SPOCK1: variants seen among roughly 807,000 people sequenced by gnomAD.
SPOCK1 encodes testican-1.
SPOCK1 carries 23 observed loss-of-function variants against 55.3 expected under a neutral mutation model. That is an observed-to-expected ratio of 0.42 (90% CI 0.30 to 0.59). SPOCK1 has a LOEUF of 0.59. Ranked by LOEUF, SPOCK1 falls within the 20% of genes least tolerant of loss-of-function variation. The pLI is 0.22. For synonymous variants in SPOCK1, 226 were observed against 221.0 expected (o/e 1.02, Z -0.20); for missense variants, 499 against 552.5 (o/e 0.90, Z 0.97).
At chr5:137,108,846 A>G (rs924507128) in intron 5 of SPOCK1, among the ~76,000 whole-genome samples, 4 of 152,148 alleles carry the variant, frequency 2.6e-5, no homozygotes, top group Admixed American at 1.3e-4. Context: ...GGTCTCCCCA[A>G]TCCTTCTCAA....
intron 3 of SPOCK1, among the ~76,000 whole-genome samples, chr5:137,174,858 G>C (rs17777250): frequency 0.037 from 5,583 of 152,148 alleles, 144 homozygotes; most frequent in Non-Finnish European, 0.05. Flanking sequence ...AGAACCCATG[G>C]GAAAGAGCGA....
intron 2 of SPOCK1, among the ~76,000 whole-genome samples, chr5:137,425,684 T>G (rs1056257894): frequency 1.3e-5 from 2 of 152,194 alleles, no homozygotes; most frequent in Non-Finnish European, 2.9e-5. Context: ...ATCAGTGCCC[T>G]GCATTTTACC....
intron 2 of SPOCK1, among the ~76,000 whole-genome samples, chr5:137,484,791 G>A (rs765587309): frequency 6.6e-5 from 10 of 152,028 alleles, no homozygotes; most frequent in Non-Finnish European, 1.2e-4. Flanking sequence ...ACAACCAATT[G>A]CCTACCATCA....
chr5:137,418,211 A>G (rs943391070), intron 2 of SPOCK1, among the ~76,000 whole-genome samples: 5 of 151,954 alleles, frequency 3.3e-5, no homozygotes, highest in African/African-American at 9.7e-5. Context: ...TCATTGATGG[A>G]CATTTGGGTT....
intron 2 of SPOCK1, among the ~76,000 whole-genome samples, chr5:137,474,701 C>T (rs995017477): frequency 6.6e-6 from 1 of 152,110 alleles, no homozygotes; most frequent in African/African-American, 2.4e-5. Context: ...GGGCTCCCAT[C>T]GTCAGATTTG....
chr5:137,456,649 A>T (rs1040977712), intron 2 of SPOCK1, among the ~76,000 whole-genome samples: 1 of 152,228 alleles, frequency 6.6e-6, no homozygotes, highest in East Asian at 1.9e-4. Flanking sequence ...ATATGAAAGG[A>T]GAAAGTCTTT....
At chr5:137,459,445 G>T (rs1405828825) in intron 2 of SPOCK1, among the ~76,000 whole-genome samples, 1 of 81,236 alleles carries the variant, frequency 1.2e-5, no homozygotes. Flanking sequence ...AGAGGCTAAT[G>T]AAAGGCTTTT....
At chr5:137,285,952 A>G (rs116361874) in intron 2 of SPOCK1, among the ~76,000 whole-genome samples, 1 of 152,272 alleles carries the variant, frequency 6.6e-6, no homozygotes, top group African/African-American at 2.4e-5. Context: ...TCTGTCACAC[A>G]TTCATCTTCT....
intron 2 of SPOCK1, among the ~76,000 whole-genome samples, chr5:137,368,229 C>G (rs1482443259): frequency 6.6e-6 from 1 of 152,100 alleles, no homozygotes; most frequent in South Asian, 2.1e-4. Context: ...CAGGCATGAA[C>G]ATATGAAAAA....
At chr5:137,446,056 A>C (rs1219301405) in intron 2 of SPOCK1, among the ~76,000 whole-genome samples, 3 of 152,212 alleles carry the variant, frequency 2.0e-5, no homozygotes, top group Non-Finnish European at 4.4e-5. Context: ...TAAAGCTCTC[A>C]GAAATCCCTT....
intron 2 of SPOCK1, among the ~76,000 whole-genome samples, chr5:137,341,591 CAA>C (rs1412680368): frequency 6.6e-6 from 1 of 152,176 alleles, no homozygotes; most frequent in African/African-American, 2.4e-5. Flanking sequence ...ATATTTTAAA[CAA>C]AAATTATCTT....
At chr5:137,482,494 T>C (rs931973002) in intron 2 of SPOCK1, among the ~76,000 whole-genome samples, 1 of 152,008 alleles carries the variant, frequency 6.6e-6, no homozygotes, top group African/African-American at 2.4e-5. Context: ...ATATTGACCA[T>C]CTAGAGAGGC....
intron 2 of SPOCK1, among the ~76,000 whole-genome samples, chr5:137,293,233 T>C (rs920165071): frequency 2.6e-5 from 4 of 152,106 alleles, no homozygotes; most frequent in African/African-American, 9.7e-5. Flanking sequence ...AATAAGACTT[T>C]GGCAGCTTTT....
intron 2 of SPOCK1, among the ~76,000 whole-genome samples, chr5:137,315,432 C>T (rs371339088): frequency 6.6e-6 from 1 of 152,206 alleles, no homozygotes; most frequent in Non-Finnish European, 1.5e-5. Flanking sequence ...CCTTGTGAAG[C>T]AGATATGGCA....
chr5:137,451,958 AT>A (rs543013476), intron 2 of SPOCK1, among the ~76,000 whole-genome samples: 32 of 152,238 alleles, frequency 2.1e-4, no homozygotes, highest in African/African-American at 7.5e-4. Flanking sequence ...TAGATTTTGG[AT>A]TTTTTCCATA....
chr5:137,250,613 C>T (rs1343372091), intron 3 of SPOCK1, among the ~76,000 whole-genome samples: 1 of 152,240 alleles, frequency 6.6e-6, no homozygotes, highest in East Asian at 1.9e-4. Context: ...AGCTGCTTGC[C>T]CCTGTGTGCA....
chr5:137,458,009 T>C (rs1476373435), intron 2 of SPOCK1, among the ~76,000 whole-genome samples: 4 of 152,172 alleles, frequency 2.6e-5, no homozygotes, highest in Non-Finnish European at 5.9e-5. Context: ...TAAAGGAATG[T>C]TGAGGTGTCT....
intron 3 of SPOCK1, among the ~76,000 whole-genome samples, chr5:137,196,420 C>T (rs1291265854): frequency 6.6e-6 from 1 of 152,242 alleles, no homozygotes; most frequent in Non-Finnish European, 1.5e-5. Context: ...TGGCCCTGGG[C>T]CATCTGGCTT....
At chr5:137,371,801 C>T (rs924546139) in intron 2 of SPOCK1, among the ~76,000 whole-genome samples, 6 of 152,092 alleles carry the variant, frequency 3.9e-5, no homozygotes, top group African/African-American at 7.2e-5. Context: ...TACTATATGC[C>T]GAGTACCAAA....
Sources: allele counts gnomAD v4.1 joint callset (sites outside exome capture counted in the v4.1 genomes callset), GRCh38; gene constraint gnomAD v4.1.1; transcripts MANE v1.5; gene names NCBI Gene and HGNC (gene_info 2026-07-23, HGNC 2026-07-21).